ANO10: variants seen among roughly 807,000 people sequenced by gnomAD.
ANO10 encodes the protein anoctamin 10, also known as anoctamin-10.
Under a neutral mutation model 74.7 loss-of-function variants are expected in ANO10, and 77 were observed. The observed-to-expected ratio is 1.03, with a 90% CI of 0.86 to 1.25. The LOEUF (loss-of-function observed/expected upper bound fraction) is 1.25, where lower values mean the gene tolerates loss of function less well. Ranked by LOEUF, ANO10 falls within the 50% of genes most tolerant of loss-of-function variation. The pLI, the probability that ANO10 is intolerant of heterozygous loss-of-function variation, is 0.00. For synonymous variants in ANO10, 279 were observed against 284.9 expected (o/e 0.98, Z 0.21); for missense variants, 721 against 778.1 (o/e 0.93, Z 0.87).
intron 7 of ANO10, among the ~76,000 whole-genome samples, chr3:43,573,818 T>G (rs927174206): frequency 2.0e-5 from 3 of 152,222 alleles, no homozygotes; most frequent in Non-Finnish European, 4.4e-5. Flanking sequence ...AAAAAAAATT[T>G]TTTTTAATGT....
Position 43,519,149 on chromosome 3 carries a change from G to C in ANO10, c.1797+30571C>G, listed in dbSNP as rs2149209580. Reference sequence around the variant, plus strand: ...GACCAGCCAACACTTAGGGAAAATAGAAAAGAACCTACGTTGAAATATCAG... The same window carrying C: ...GACCAGCCAACACTTAGGGAAAATACAAAAGAACCTACGTTGAAATATCAG... On this transcript the variant is annotated intron_variant, in intron 11 of 12. Coordinates refer to ENST00000292246, the MANE Select transcript of ANO10 (RefSeq NM_018075.5). Among the ~76,000 whole-genome samples, 3 of 152,198 alleles carry C rather than the reference G, an allele frequency of 2.0e-5. No individual in the cohort carries two copies. The South Asian group carries it at 6.2e-4, about 32-fold the overall frequency.
chr3:43,416,214 G>C (rs1559523581), intron 12 of ANO10, among the ~76,000 whole-genome samples: 1 of 152,166 alleles, frequency 6.6e-6, no homozygotes, highest in Non-Finnish European at 1.5e-5. Context: ...CAAACAAAAA[G>C]TGTCTACAAA....
At chr3:43,532,761 T>A (rs190631110) in intron 11 of ANO10, among the ~76,000 whole-genome samples, 16 of 152,232 alleles carry the variant, frequency 1.1e-4, no homozygotes, top group African/African-American at 3.9e-4. Context: ...CTTTTTCCCA[T>A]AAAAGAGTAA....
chr3:43,525,783 T>C (rs929509975), intron 11 of ANO10, among the ~76,000 whole-genome samples: 2 of 152,188 alleles, frequency 1.3e-5, no homozygotes, highest in Non-Finnish European at 2.9e-5. Context: ...AATTTGTTCC[T>C]CTCCATTGTG....
At chr3:43,485,107 G>T in intron 11 of ANO10, 1 of 1,007,714 alleles carries the variant, frequency 9.9e-7, no homozygotes, top group Non-Finnish European at 1.5e-6. Context: ...TGCTGGCTGC[G>T]ATCACCTCCA....
Position 43,528,206 on chromosome 3 carries a change from C to T in ANO10, c.1797+21514G>A, listed in dbSNP as rs866155128. On this transcript the variant is annotated intron_variant, in intron 11 of 12. Transcript: ENST00000292246. ...TAGGAAAATTTCAAAATGAAAAAAACGAAAAAAAAAAGCAGATAACATCTG... is the reference window on the plus strand; with the variant it reads ...TAGGAAAATTTCAAAATGAAAAAAATGAAAAAAAAAAGCAGATAACATCTG... 1.2e-4 allele frequency among the ~76,000 whole-genome samples: 12 copies of T among 103,460 alleles called. No homozygotes were observed. In the South Asian group the frequency reaches 2.0e-3, roughly 17 times the overall value. The allele number at this position is 103,460 out of a possible 152,430, so 67.9% of individuals were successfully genotyped here.
intron 12 of ANO10, among the ~76,000 whole-genome samples, chr3:43,419,304 C>T (rs2092786483): frequency 6.6e-6 from 1 of 152,182 alleles, no homozygotes; most frequent in Non-Finnish European, 1.5e-5. Flanking sequence ...GGAGAGGACT[C>T]CACAAGGGCA....
At chr3:43,571,298 C>A (rs1383118479) in intron 7 of ANO10, among the ~76,000 whole-genome samples, 1 of 152,106 alleles carries the variant, frequency 6.6e-6, no homozygotes, top group Admixed American at 6.5e-5. Flanking sequence ...GGATCTAGAA[C>A]TGGAAATACC....
intron 12 of ANO10, among the ~76,000 whole-genome samples, chr3:43,367,933 C>T (rs1240403111): frequency 6.6e-6 from 1 of 152,180 alleles, no homozygotes; most frequent in African/African-American, 2.4e-5. Flanking sequence ...CCCCAAGTGC[C>T]ACCCAGGGCT....
At position 43,598,493 on chromosome 3, in the gene ANO10, T is replaced by C; in HGVS notation, c.472+39A>G. On this transcript the variant is annotated intron_variant, in intron 4 of 12. Transcript: ENST00000292246. ...AAAGGCATCTATAATTTGCTATTTA[T>C]GTCTATTAAGAAAAAGACTGGTTGA... The C allele has an allele frequency of 2.5e-6, 4 of 1,605,210 alleles. No individual in the cohort carries two copies. In the African/African-American group the frequency reaches 4.0e-5, roughly 16 times the overall value.
chr3:43,451,947 A>G (rs1194657042), intron 11 of ANO10, among the ~76,000 whole-genome samples: 1 of 152,176 alleles, frequency 6.6e-6, no homozygotes, highest in Non-Finnish European at 1.5e-5. Flanking sequence ...CAACTGTATG[A>G]GGCAGTTTGG....
chr3:43,375,582 G>A (rs192898378), intron 12 of ANO10, among the ~76,000 whole-genome samples: 55 of 152,152 alleles, frequency 3.6e-4, no homozygotes, highest in Admixed American at 2.7e-3. Flanking sequence ...AATCACAAAC[G>A]CTAGAGCAGC....
chr3:43,675,977 TG>T (rs1188956023), intron 1 of ANO10, among the ~76,000 whole-genome samples: 3 of 152,228 alleles, frequency 2.0e-5, no homozygotes, highest in African/African-American at 7.2e-5. Context: ...TAAATGTTTT[TG>T]GCAGCTTTAT....
intron 1 of ANO10, among the ~76,000 whole-genome samples, chr3:43,613,300 C>T (rs1049548973): frequency 2.6e-5 from 4 of 152,106 alleles, no homozygotes; most frequent in Non-Finnish European, 5.9e-5. Flanking sequence ...TAGTGGTCAC[C>T]TCCAAATAGC....
At chr3:43,370,867 A>G (rs73831279) in intron 12 of ANO10, among the ~76,000 whole-genome samples, 4,210 of 152,272 alleles carry the variant, frequency 0.028, 207 homozygotes, top group African/African-American at 0.093. Context: ...CTGTGTGACC[A>G]GATCCCCTTG....
chr3:43,411,823 G>A (rs368305938), intron 12 of ANO10, among the ~76,000 whole-genome samples: 2 of 151,970 alleles, frequency 1.3e-5, no homozygotes, highest in Non-Finnish European at 2.9e-5. Flanking sequence ...AGTTTCAGGC[G>A]GAATAGCTGT....
At chr3:43,435,606 T>C (rs2093055005) in intron 11 of ANO10, among the ~76,000 whole-genome samples, 1 of 152,104 alleles carries the variant, frequency 6.6e-6, no homozygotes, top group Non-Finnish European at 1.5e-5. Context: ...AGTGCTCAGA[T>C]GGAAGCCTTC....
rs1223394240 is a variant in ANO10, at chr3:43,574,731, T to G, written c.1218+78A>C. The G allele has an allele frequency of 1.1e-5, 13 of 1,148,508 alleles. No individual in the cohort carries two copies. In the Admixed American group the frequency reaches 2.0e-4, roughly 18 times the overall value. 71.1% of individuals were successfully genotyped at this position (1,148,508 alleles called of 1,614,324 possible). On this transcript the variant is annotated intron_variant, in intron 7 of 12. Transcript: ENST00000292246. ...TGATATCTTAGATTAGAAGCAACTC[T>G]TCATATTTGTATTCCTATATATTAT... is the stretch of plus-strand genomic sequence containing the variant.
At chr3:43,386,757 C>A (rs998378075) in intron 12 of ANO10, among the ~76,000 whole-genome samples, 8 of 151,706 alleles carry the variant, frequency 5.3e-5, no homozygotes, top group African/African-American at 1.9e-4. Flanking sequence ...GCTGCCCTGA[C>A]AGCTCCTCAG....
Sources: allele counts gnomAD v4.1 joint callset (sites outside exome capture counted in the v4.1 genomes callset), GRCh38; gene constraint gnomAD v4.1.1; transcripts MANE v1.5; gene names NCBI Gene and HGNC (gene_info 2026-07-23, HGNC 2026-07-21).